Variants in RAB30 observed in about 807,000 individuals in gnomAD.
The protein encoded by RAB30 is RAB30, member RAS oncogene family, also known as ras-related protein Rab-30.
RAB30 carries 9 observed loss-of-function variants against 25.1 expected under a neutral mutation model. The ratio of observed to expected loss-of-function variants is 0.36; its 90% CI spans 0.22 to 0.63. RAB30 has a LOEUF of 0.63. Among genes scored for constraint, RAB30 ranks in the 20% least tolerant of loss-of-function variants. The pLI is 0.69. For synonymous variants in RAB30, 77 were observed against 86.4 expected (o/e 0.89, Z 0.60); for missense variants, 140 against 243.5 (o/e 0.58, Z 2.83).
In RAB30 at chr11:82,974,550, A is replaced by G. The variant is rs1856508772; in HGVS notation, c.*7615T>C. ...CTTATATTGAAGTTGGTTAGATTTTATATAACGCTGTATACAAATAATACT... is the reference window on the plus strand; with the variant it reads ...CTTATATTGAAGTTGGTTAGATTTTGTATAACGCTGTATACAAATAATACT... On this transcript the variant is annotated 3_prime_UTR_variant, in exon 5 of 5. Transcript: ENST00000527633. 1 of 152,228 alleles carries G rather than the reference A, an allele frequency of 6.6e-6. No individual in the cohort carries two copies. The highest frequency in any genetic ancestry group is 1.5e-5 in the Non-Finnish European group (1 of 68,030). The allele number at this position is 152,228 out of a possible 1,614,324, so 9.4% of individuals were successfully genotyped here.
chr11:83,043,036 G>T (rs2121515924), intron 1 of RAB30, among the ~76,000 whole-genome samples: 1 of 152,232 alleles, frequency 6.6e-6, no homozygotes, highest in Middle Eastern at 3.4e-3. Flanking sequence ...TGCAAAAATG[G>T]CTGTGATTGT....
At chr11:83,064,362 C>A (rs2121521521) in intron 1 of RAB30, among the ~76,000 whole-genome samples, 1 of 152,340 alleles carries the variant, frequency 6.6e-6, no homozygotes, top group East Asian at 1.9e-4. Context: ...CCTGTCTCAG[C>A]CTCCCAAAGT....
chr11:83,015,081 T>C (rs1273010935), intron 1 of RAB30, among the ~76,000 whole-genome samples: 1 of 152,162 alleles, frequency 6.6e-6, no homozygotes, highest in African/African-American at 2.4e-5. Context: ...GGCAAGGAGT[T>C]TGGATTTCAT....
chr11:82,994,085 A>C lies in RAB30; in HGVS notation c.131T>G (p.Val44Gly). Reference protein sequence around the residue: ...FPPGQGATIGVDFMIKTVEIN... With the variant: ...FPPGQGATIGGDFMIKTVEIN... ...CTCCACTGTCTTAATCATAAAATCA[A>C]CTCCAATTGTGGCTCCTTGACCTGG... Residue 44 changes from valine to glycine, a missense_variant, in exon 3 of 5, where the codon GTT becomes GGT. Coordinates refer to ENST00000527633, the MANE Select transcript of RAB30 (RefSeq NM_001286060.2). 6.2e-7 allele frequency: 1 copy of C among 1,612,060 alleles called. No homozygotes were observed.
intron 3 of RAB30, among the ~76,000 whole-genome samples, chr11:82,992,736 A>ACACAC (rs1856878714): frequency 6.1e-5 from 8 of 131,216 alleles, no homozygotes; most frequent in Non-Finnish European, 9.7e-5. Flanking sequence ...CTCTGTCACC[A>ACACAC]ACACACACAC....
In RAB30 at chr11:82,981,081, AATCC is replaced by A. The variant is rs1856629947; in HGVS notation, c.*1080_*1083del. The A allele has an allele frequency of 1.3e-5, 2 of 152,148 alleles. No homozygotes were observed. The highest frequency in any genetic ancestry group is 4.8e-5 in the African/African-American group (2 of 41,430). The allele number at this position is 152,148 out of a possible 1,614,324, so 9.4% of individuals were successfully genotyped here. A position where few individuals can be genotyped will look rare whatever the true frequency, so the allele number is the denominator to read the frequency against. On this transcript the variant is annotated 3_prime_UTR_variant, in exon 5 of 5. Coordinates refer to ENST00000527633, the MANE Select transcript of RAB30 (RefSeq NM_001286060.2). ...ACTTATCATACTAAAAAATCTACAA[AATCC>A]TAAGCCTTGGTCTGTCCAAGATGGA...
At chr11:83,014,682 GAAAGAAAGAAA>G (rs1565277199) in intron 1 of RAB30, among the ~76,000 whole-genome samples, 37 of 137,326 alleles carry the variant, frequency 2.7e-4, no homozygotes, top group African/African-American at 1.0e-3. Flanking sequence ...AAGAAAGAAA[GAAAGAAAGAAA>G]GAGAAAGGAA....
intron 1 of RAB30, among the ~76,000 whole-genome samples, chr11:83,009,614 A>T: frequency 7.1e-6 from 1 of 141,714 alleles, no homozygotes. Flanking sequence ...AAAAATAAAT[A>T]AAATAAAATA....
intron 1 of RAB30, 71 bp from the exon 2 acceptor site, chr11:82,997,395 G>T: frequency 9.1e-7 from 1 of 1,095,908 alleles, no homozygotes; most frequent in East Asian, 2.4e-5. Flanking sequence ...AGCTGCACCA[G>T]CCTTCTCTCC....
intron 1 of RAB30, among the ~76,000 whole-genome samples, chr11:83,028,806 A>G (rs2121513453): frequency 6.6e-6 from 1 of 152,344 alleles, no homozygotes; most frequent in Admixed American, 6.5e-5. Flanking sequence ...GGAGGCTAAG[A>G]CAGCAAGATT....
chr11:82,977,533 T>C lies in RAB30; in HGVS notation c.*4632A>G, dbSNP rs1313812191. 2.6e-5 allele frequency: 4 copies of C among 152,212 alleles called. No homozygotes were observed. The highest frequency in any genetic ancestry group is 9.6e-5 in the African/African-American group (4 of 41,454). The allele number at this position is 152,212 out of a possible 1,614,324, so 9.4% of individuals were successfully genotyped here. A position where few individuals can be genotyped will look rare whatever the true frequency, so the allele number is the denominator to read the frequency against. On this transcript the variant is annotated 3_prime_UTR_variant, in exon 5 of 5. Coordinates refer to ENST00000527633, the MANE Select transcript of RAB30 (RefSeq NM_001286060.2). ...CTATTACCTGAGGCAGACTGTCCCATAGTGAACCAACTTTTTGAGAATGGT... is the reference window on the plus strand; with the variant it reads ...CTATTACCTGAGGCAGACTGTCCCACAGTGAACCAACTTTTTGAGAATGGT...
intron 4 of RAB30, chr11:82,987,069 C>G (rs1856751892): frequency 6.6e-6 from 1 of 152,182 alleles, no homozygotes; most frequent in Non-Finnish European, 1.5e-5. Flanking sequence ...TGCTTTCCCC[C>G]CATACTAAAT....
intron 1 of RAB30, among the ~76,000 whole-genome samples, chr11:83,017,483 C>T (rs560552906): frequency 6.6e-6 from 1 of 152,106 alleles, no homozygotes; most frequent in Admixed American, 6.5e-5. Context: ...CACCCATCAC[C>T]CAGGCAGTGT....
chr11:83,048,617 T>C (rs938456863), intron 1 of RAB30, among the ~76,000 whole-genome samples: 2 of 152,184 alleles, frequency 1.3e-5, no homozygotes, highest in African/African-American at 2.4e-5. Flanking sequence ...AGGCAAACAT[T>C]GGCCCCTCTG....
chr11:82,997,287 G>C lies in RAB30; in HGVS notation c.30C>G (p.Phe10Leu). Residue 10 changes from phenylalanine to leucine, a missense_variant, in exon 2 of 5, where the codon TTC becomes TTG. Transcript: ENST00000527633. ...CAGCGTTGCCAATTAAAACAATTTTGAACAGGAAATCATAATCTTCCATAC... is the reference window on the plus strand; with the variant it reads ...CAGCGTTGCCAATTAAAACAATTTTCAACAGGAAATCATAATCTTCCATAC... Reference protein sequence around the residue: MSMEDYDFLFKIVLIGNAGV... With the variant: MSMEDYDFLLKIVLIGNAGV... 6.2e-7 allele frequency: 1 copy of C among 1,612,124 alleles called. No individual in the cohort carries two copies. The highest frequency in any genetic ancestry group is 8.5e-7 in the Non-Finnish European group (1 of 1,178,216).
At chr11:82,984,031 T>C (rs1443939339) in intron 4 of RAB30, among the ~76,000 whole-genome samples, 3 of 152,238 alleles carry the variant, frequency 2.0e-5, no homozygotes, top group Non-Finnish European at 2.9e-5. Context: ...TCCTGAATTA[T>C]AAATAGAAGT....
At chr11:83,035,560 T>A (rs1857969083) in intron 1 of RAB30, 1 of 152,384 alleles carries the variant, frequency 6.6e-6, no homozygotes, top group Admixed American at 6.5e-5. Flanking sequence ...AACCTCTTCC[T>A]CAACAGCTCA....
In RAB30 at chr11:83,033,877, G is replaced by GA. The variant is rs1040862914; in HGVS notation, c.-8-36554dup. On this transcript the variant is annotated intron_variant, in intron 1 of 4. Transcript: ENST00000527633. ...CCTCCAAAGAATGATCAGATCAAATGAAAAAAAAACCAAACAAACAAAAAC... is the reference window on the plus strand; with the variant it reads ...CCTCCAAAGAATGATCAGATCAAATGAAAAAAAAAACCAAACAAACAAAAAC... Among the ~76,000 whole-genome samples the GA allele has an allele frequency of 1.2e-3, 181 of 148,712 alleles. 8 individuals carry two copies. The highest frequency in any genetic ancestry group is 4.3e-4 in the South Asian group (2 of 4,704).
chr11:83,017,257 A>G (rs1449896378), intron 1 of RAB30, among the ~76,000 whole-genome samples: 1 of 152,118 alleles, frequency 6.6e-6, no homozygotes, highest in East Asian at 1.9e-4. Flanking sequence ...ATATCATTTG[A>G]GCCTGGGAAG....
Sources: gnomAD v4.1 joint callset for allele counts (sites outside exome capture counted in the v4.1 genomes callset) on GRCh38, gnomAD v4.1.1 for gene constraint, MANE v1.5 for transcripts, NCBI Gene and HGNC (gene_info 2026-07-23, HGNC 2026-07-21) for gene names.